Variants in PDE4D observed in about 807,000 individuals in gnomAD.
PDE4D encodes 3',5'-cyclic-AMP phosphodiesterase 4D.
PDE4D carries 24 observed loss-of-function variants against 87.4 expected under a neutral mutation model. That is an observed-to-expected ratio of 0.27 (90% CI 0.20 to 0.39). The LOEUF (loss-of-function observed/expected upper bound fraction) is 0.39, where lower values mean the gene tolerates loss of function less well. PDE4D is among the 10% of genes least tolerant of loss of function. The pLI is 1.00. For synonymous variants in PDE4D, 384 were observed against 383.2 expected, an observed-to-expected ratio of 1.00 and a Z score of -0.02; for missense variants, 714 against 1,041.0, an observed-to-expected ratio of 0.69 and a Z score of 4.32.
chr5:59,209,259 C>A (rs577833031), intron 2 of PDE4D, among the ~76,000 whole-genome samples: 33 of 152,186 alleles, frequency 2.2e-4, no homozygotes, highest in Admixed American at 5.9e-4. Flanking sequence ...AATCGTGGCT[C>A]ACTACAACCT....
intron 1 of PDE4D, among the ~76,000 whole-genome samples, chr5:59,495,370 G>C (rs1806986789): frequency 6.6e-6 from 1 of 152,068 alleles, no homozygotes; most frequent in Non-Finnish European, 1.5e-5. Context: ...CCCTGGCCCT[G>C]TTTCTAAGTT....
At chr5:60,028,809 C>T (rs1766926764) in intron 2 of PDE4D, among the ~76,000 whole-genome samples, 1 of 152,148 alleles carries the variant, frequency 6.6e-6, no homozygotes, top group African/African-American at 2.4e-5. Context: ...TTCCTAAATT[C>T]TAGGCACTCA....
intron 1 of PDE4D, among the ~76,000 whole-genome samples, chr5:59,405,966 A>G (rs1457300402): frequency 6.6e-6 from 1 of 152,130 alleles, no homozygotes; most frequent in Non-Finnish European, 1.5e-5. Context: ...ATAAATGTTC[A>G]TTGGGAGTAT....
intron 1 of PDE4D, among the ~76,000 whole-genome samples, chr5:60,471,024 T>C (rs1220857213): frequency 6.6e-6 from 1 of 152,180 alleles, no homozygotes; most frequent in African/African-American, 2.4e-5. Context: ...ATGAGCAATG[T>C]CAGTTGAAAG....
At chr5:59,971,316 C>G (rs2152818001) in intron 3 of PDE4D, among the ~76,000 whole-genome samples, 1 of 148,048 alleles carries the variant, frequency 6.8e-6, no homozygotes, top group African/African-American at 2.5e-5. Context: ...ACGTAACTAA[C>G]CTGCACAATG....
At chr5:59,120,484 G>T (rs2153445650) in intron 5 of PDE4D, among the ~76,000 whole-genome samples, 1 of 152,002 alleles carries the variant, frequency 6.6e-6, no homozygotes, top group South Asian at 2.1e-4. Context: ...AAGCTCTCAA[G>T]AACATCACAG....
intron 1 of PDE4D, among the ~76,000 whole-genome samples, chr5:60,274,593 T>A (rs1751177763): frequency 1.3e-5 from 2 of 152,162 alleles, no homozygotes; most frequent in African/African-American, 4.8e-5. Context: ...ACTCCTGACC[T>A]CAAGTGATCC....
At chr5:60,325,524 C>T (rs568604270) in intron 1 of PDE4D, among the ~76,000 whole-genome samples, 48 of 152,214 alleles carry the variant, frequency 3.2e-4, no homozygotes, top group African/African-American at 9.1e-4. Context: ...ATTTAAGAAA[C>T]GGATGGGTAA....
intron 2 of PDE4D, among the ~76,000 whole-genome samples, chr5:60,103,849 T>A (rs903309317): frequency 6.6e-5 from 10 of 151,692 alleles, no homozygotes; most frequent in Non-Finnish European, 1.0e-4. Flanking sequence ...ATTAAAAAAA[T>A]TAAAAACCTG....
rs796517733 is a variant in PDE4D, at chr5:59,625,504, T to TAA, written c.455+267662_455+267663dup. Among the ~76,000 whole-genome samples the TAA allele has an allele frequency of 1.8e-3, 254 of 142,124 alleles. 1 individual carries two copies. The highest frequency in any genetic ancestry group is 5.2e-3 in the African/African-American group (201 of 38,678). 93.2% of individuals were successfully genotyped at this position (142,124 alleles called of 152,430 possible). A position where few individuals can be genotyped will look rare whatever the true frequency, so the allele number is the denominator to read the frequency against. ...TTTCTGACCTAAAGAGCTGCGACATTAAAAAAAAAAAAGGATATTGTTTTA... is the reference window on the plus strand; with the variant it reads ...TTTCTGACCTAAAGAGCTGCGACATTAAAAAAAAAAAAAAGGATATTGTTTTA... On this transcript the variant is annotated intron_variant, in intron 1 of 14. Transcript: ENST00000340635.
rs150210575 is a variant in PDE4D at position 59,422,711 on chromosome 5, T to C, written c.456-206743A>G. Among the ~76,000 whole-genome samples, 116 of 152,364 alleles carry C rather than the reference T, an allele frequency of 7.6e-4. 2 individuals are homozygous for C. The East Asian group carries it at 0.021, about 28-fold the overall frequency. On this transcript the variant is annotated intron_variant, in intron 1 of 14. Coordinates refer to ENST00000340635, the MANE Select transcript of PDE4D (RefSeq NM_001104631.2). ...GATTGTGTAGTGTCTTGTACTTTGCTGACAGTAAACATTCCAAGTACTCTA... is the reference window on the plus strand; with the variant it reads ...GATTGTGTAGTGTCTTGTACTTTGCCGACAGTAAACATTCCAAGTACTCTA...
At chr5:59,299,366 C>T (rs984702188) in intron 1 of PDE4D, among the ~76,000 whole-genome samples, 1 of 152,202 alleles carries the variant, frequency 6.6e-6, no homozygotes, top group Non-Finnish European at 1.5e-5. Context: ...GACTGAGCTC[C>T]TGTTTCCCTC....
At chr5:60,478,630 C>G (rs1748502257) in intron 1 of PDE4D, among the ~76,000 whole-genome samples, 1 of 152,192 alleles carries the variant, frequency 6.6e-6, no homozygotes, top group African/African-American at 2.4e-5. Context: ...TAAGCACTAC[C>G]TCTTTTCCCC....
At chr5:60,206,953 C>CCGA (rs1742606661) in intron 1 of PDE4D, among the ~76,000 whole-genome samples, 1 of 152,046 alleles carries the variant, frequency 6.6e-6, no homozygotes, top group Non-Finnish European at 1.5e-5. Flanking sequence ...TGTGGTACAC[C>CCGA]TGATAAGTTC....
Position 60,147,395 on chromosome 5 carries a change from T to C in PDE4D, c.42+38162A>G, listed in dbSNP as rs76405933. 4.7e-3 allele frequency among the ~76,000 whole-genome samples: 720 copies of C among 152,304 alleles called. 34 individuals are homozygous for C. The East Asian group carries it at 0.12, about 25-fold the overall frequency. The stretch of plus-strand genomic sequence containing the variant: ...TGAATGGGCCACGCTGCATTCATTA[T>C]TTACCAACAAGATTAAAGGAATAGT... On this transcript the variant is annotated intron_variant, in intron 2 of 16. Transcript: ENST00000502484.
intron 1 of PDE4D, among the ~76,000 whole-genome samples, chr5:59,401,443 A>AATAT (rs1790601315): frequency 7.8e-6 from 1 of 127,468 alleles, no homozygotes; most frequent in African/African-American, 3.0e-5. Flanking sequence ...TATATTAGAG[A>AATAT]CTATCTATCT....
At chr5:60,283,023 C>A (rs957976080) in intron 1 of PDE4D, among the ~76,000 whole-genome samples, 2 of 152,002 alleles carry the variant, frequency 1.3e-5, no homozygotes, top group Admixed American at 6.6e-5. Context: ...AATGTTGATG[C>A]AGTTATTTGA....
chr5:59,569,192 A>G (rs1156816596), intron 1 of PDE4D, among the ~76,000 whole-genome samples: 1 of 152,160 alleles, frequency 6.6e-6, no homozygotes, highest in Non-Finnish European at 1.5e-5. Flanking sequence ...GTTAACCTCT[A>G]TCTCCATTTT....
intron 2 of PDE4D, among the ~76,000 whole-genome samples, chr5:60,145,659 T>C (rs1482740541): frequency 2.0e-5 from 3 of 152,176 alleles, no homozygotes; most frequent in African/African-American, 7.2e-5. Flanking sequence ...GCAGAGAGCC[T>C]TTCAGATATC....
Sources: allele counts gnomAD v4.1 joint callset (sites outside exome capture counted in the v4.1 genomes callset), GRCh38; gene constraint gnomAD v4.1.1; transcripts MANE v1.5; gene names NCBI Gene and HGNC (gene_info 2026-07-23, HGNC 2026-07-21).